The following PSD variants were observed in gnomAD, a reference collection of about 807,000 sequenced individuals.
The protein encoded by PSD is pleckstrin and Sec7 domain containing, also known as PH and SEC7 domain-containing protein 1.
In PSD, 32 loss-of-function variants were observed where a neutral mutation model predicts 91.6. The ratio of observed to expected loss-of-function variants is 0.35; its 90% CI spans 0.26 to 0.47. The LOEUF is 0.47. Among genes scored for constraint, PSD ranks in the 20% least tolerant of loss-of-function variants. The probability of loss-of-function intolerance (pLI) is 1.00; values close to 1 mark genes in which losing one functional copy is unlikely to be tolerated. For synonymous variants in PSD, 532 were observed against 569.3 expected (o/e 0.93, Z 0.93); for missense variants, 1,099 against 1,373.9 (o/e 0.80, Z 3.16).
rs1290333494 is a variant in PSD, at chr10:102,409,663, A to G, written c.2091+1195T>C. 2.0e-5 allele frequency among the ~76,000 whole-genome samples: 3 copies of G among 152,066 alleles called. No homozygotes were observed. The highest frequency in any genetic ancestry group is 4.4e-5 in the Non-Finnish European group (3 of 68,004). ...TCACCCGCAGATACCCCACCCATAT[A>G]TAGATCTGAAGTCACGTAACACACC... On this transcript the variant is annotated intron_variant, in intron 10 of 16. Transcript: ENST00000020673. The surrounding 1 kb of genome is among the most constrained non-coding windows in gnomAD (Gnocchi z 5.7).
At chr10:102,406,718 G>A (rs777906892) in intron 11 of PSD, among the ~76,000 whole-genome samples, 15 of 152,182 alleles carry the variant, frequency 9.9e-5, no homozygotes, top group Non-Finnish European at 2.2e-4. Flanking sequence ...TTTTAGCCAG[G>A]ATGGTCTTGA....
chr10:102,416,140 C>T lies in PSD; in HGVS notation c.655-21G>A, dbSNP rs763519174. ...TCCCCCTGAGCCAACGAGGGAGACA[C>T]AGGCACCCAGAGATAAAGCCAGACA... is the stretch of plus-strand genomic sequence containing the variant. On this transcript the variant is annotated intron_variant, in intron 2 of 16. Coordinates refer to ENST00000020673, the MANE Select transcript of PSD (RefSeq NM_002779.5). The surrounding 1 kb of genome is among the most constrained non-coding windows in gnomAD (Gnocchi z 6.0). 6.4e-6 allele frequency: 10 copies of T among 1,566,762 alleles called. No homozygotes were observed. In the Admixed American group the frequency reaches 1.7e-4, roughly 27 times the overall value.
intron 11 of PSD, among the ~76,000 whole-genome samples, chr10:102,406,716 A>G (rs902559303): frequency 5.3e-5 from 8 of 152,326 alleles, no homozygotes; most frequent in Admixed American, 6.5e-5. Flanking sequence ...CGTTTTAGCC[A>G]GGATGGTCTT....
intron 10 of PSD, among the ~76,000 whole-genome samples, chr10:102,407,720 G>A (rs948424715): frequency 6.6e-6 from 1 of 152,038 alleles, no homozygotes; most frequent in Non-Finnish European, 1.5e-5. Flanking sequence ...TAGCATATGG[G>A]GAAACTGCGA....
chr10:102,403,335 G>C lies in PSD; in HGVS notation c.2940C>G (p.Ala980=). Residue 980 remains alanine (A), a synonymous_variant, in exon 17 of 17, where the codon GCC becomes GCG. Transcript: ENST00000020673. This position sits in a 1 kb window ranked among gnomAD's most constrained non-coding sequence, Gnocchi z 6.7. The stretch of plus-strand genomic sequence containing the variant: ...GAGGGAGTCCATCCTCTGTGCTCCC[G>C]GCCTGGGCCAGTGCTGCCTCCACTG... ...LDAVEAALAQ[A]GSTEDGLPPS... is the part of the protein sequence containing the mutation. 1.2e-6 allele frequency: 2 copies of C among 1,614,088 alleles called. No homozygotes were observed. The highest frequency in any genetic ancestry group is 1.7e-6 in the Non-Finnish European group (2 of 1,180,028).
Position 102,405,399 on chromosome 10 carries a change from TAGACG to T in PSD, c.2268_2272del (p.Val757GlnfsTer14). Reference sequence around the variant, plus strand: ...CTTTCGCACCAGGGCCCCGTGCTTGTAGACGGCAGCCCCAGGCTCGGGAGTCAGGT... The same window carrying T: ...CTTTCGCACCAGGGCCCCGTGCTTGTGCAGCCCCAGGCTCGGGAGTCAGGT... On this transcript the variant is annotated frameshift_variant, in exon 12 of 17. Transcript: ENST00000020673. LOFTEE classifies it high-confidence loss of function. The surrounding 1 kb of genome is among the most constrained non-coding windows in gnomAD (Gnocchi z 5.4). 1 of 1,613,894 alleles carries T rather than the reference TAGACG, an allele frequency of 6.2e-7. No individual in the cohort carries two copies. The highest frequency in any genetic ancestry group is 8.5e-7 in the Non-Finnish European group (1 of 1,179,994).
chr10:102,403,261 CG>C lies in PSD; in HGVS notation c.3013del (p.Arg1005GlyfsTer36), dbSNP rs748690818. 1 of 1,610,480 alleles carries C rather than the reference CG, an allele frequency of 6.2e-7. No homozygotes were observed. The highest frequency in any genetic ancestry group is 8.5e-7 in the Non-Finnish European group (1 of 1,177,794). On this transcript the variant is annotated frameshift_variant, in exon 17 of 17. Coordinates refer to ENST00000020673, the MANE Select transcript of PSD (RefSeq NM_002779.5). LOFTEE classifies it high-confidence loss of function. The surrounding 1 kb of genome is among the most constrained non-coding windows in gnomAD (Gnocchi z 6.7). ...AGGCTCTGAGCTGTGACGCTGAGCC[CG>C]GGGCTGGCTGGAGGGTTTGGGCTGC... ...SLQPKPSSQP[R>X]AQRHSSEPRP...
At position 102,416,859 on chromosome 10, in the gene PSD, C is replaced by T. The variant is rs755337104; in HGVS notation, c.180G>A (p.Leu60=). 6 of 1,600,222 alleles carry T rather than the reference C, an allele frequency of 3.7e-6. No individual in the cohort carries two copies. Among genetic ancestry groups the T allele is most frequent in the Non-Finnish European group, 5.1e-6 (6 of 1,173,752 alleles). ...VAGPGPRGRE[L]GRVTAPCTPL... is the part of the protein sequence containing the mutation. ...GTGTACAGGGTGCTGTCACACGTCC[C>T]AGTTCCCGGCCTCGAGGACCTGGAC... The change falls in exon 2 of 17, where the codon CTG becomes CTA. Residue 60 remains leucine, a synonymous_variant. Transcript: ENST00000020673. This position sits in a 1 kb window ranked among gnomAD's most constrained non-coding sequence, Gnocchi z 6.0.
intron 7 of PSD, 81 bp downstream of exon 7, chr10:102,412,066 G>A (rs1412818988): frequency 5.7e-6 from 8 of 1,404,480 alleles, no homozygotes; most frequent in Non-Finnish European, 8.1e-6. Flanking sequence ...GTGGGGGACA[G>A]AGGGGCTCAA....
At position 102,414,971 on chromosome 10, in the gene PSD, G is replaced by T; in HGVS notation, c.1016C>A (p.Pro339His). The T allele has an allele frequency of 6.3e-7, 1 of 1,587,208 alleles. No individual in the cohort carries two copies. The change falls in exon 4 of 17, where the codon CCT (proline) becomes CAT (histidine). Residue 339 changes from proline (P) to histidine (H), a missense_variant. Physicochemically the swap from Pro to His is moderately conservative, Grantham distance 77. Around this residue, in one of 3 missense-constraint regions of PSD, gnomAD observed 631 missense variants for 728.8 expected, o/e 0.87. Coordinates refer to ENST00000020673, the MANE Select transcript of PSD (RefSeq NM_002779.5). The surrounding 1 kb of genome is among the most constrained non-coding windows in gnomAD (Gnocchi z 5.6). ...ACTGCCGAGGCTGGGATGAGGGCCA[G>T]GGAGTGGGCCGGGCCGTGGGGCAGG... ...YPPAPRPGPL[P>H]GPHPSLGSGN...
chr10:102,406,707 GTT>G (rs1565221602), intron 11 of PSD, among the ~76,000 whole-genome samples: 3 of 151,816 alleles, frequency 2.0e-5, no homozygotes, highest in Non-Finnish European at 2.9e-5. Context: ...CGGTTTCACC[GTT>G]TTAGCCAGGA....
chr10:102,410,609 A>G lies in PSD; in HGVS notation c.2091+249T>C, dbSNP rs1008898271. On this transcript the variant is annotated intron_variant, in intron 10 of 16. Transcript: ENST00000020673. The surrounding 1 kb of genome is among the most constrained non-coding windows in gnomAD (Gnocchi z 6.0). Reference sequence around the variant, plus strand: ...CCGGGGCCGCCTGCTCGCGTTTTCCAGAGCCGGGTCCCCTCCCCCGCCGTG... The same window carrying G: ...CCGGGGCCGCCTGCTCGCGTTTTCCGGAGCCGGGTCCCCTCCCCCGCCGTG... Among the ~76,000 whole-genome samples, 1 of 152,180 alleles carries G rather than the reference A, an allele frequency of 6.6e-6. No homozygotes were observed. Among genetic ancestry groups the G allele is most frequent in the African/African-American group, 2.4e-5 (1 of 41,450 alleles).
chr10:102,407,184 T>C, intron 11 of PSD, 39 bp downstream of exon 11: 1 of 1,247,918 alleles, frequency 8.0e-7, no homozygotes, highest in Non-Finnish European at 1.1e-6. Context: ...CCCTTCCCCA[T>C]GCCCCATCCT....
intron 11 of PSD, 66 bp downstream of exon 11, chr10:102,407,157 C>G: frequency 7.0e-7 from 1 of 1,435,220 alleles, no homozygotes; most frequent in Non-Finnish European, 9.5e-7. Context: ...CCAGCTCTCT[C>G]AGCCTCCCCA....
intron 3 of PSD, 131 bp downstream of exon 3, chr10:102,415,886 G>C: frequency 1.5e-6 from 1 of 652,726 alleles, no homozygotes. Context: ...ATTGAGGCCT[G>C]GGGAGACATT....
chr10:102,415,999 C>G lies in PSD; in HGVS notation c.757+18G>C, dbSNP rs1565228494. ...GAAGGCCCTGCCCTGTTCTCCCTGC[C>G]TCAGTCCCAGGCCTTACCTGAGCTG... On this transcript the variant is annotated intron_variant, in intron 3 of 16. Transcript: ENST00000020673. 1 of 1,599,906 alleles carries G rather than the reference C, an allele frequency of 6.3e-7. No individual in the cohort carries two copies. The highest frequency in any genetic ancestry group is 8.5e-7 in the Non-Finnish European group (1 of 1,169,996).
rs1218663691 is a variant in PSD, at chr10:102,409,787, A to G, written c.2091+1071T>C. 6.6e-6 allele frequency among the ~76,000 whole-genome samples: 1 copy of G among 152,046 alleles called. No individual in the cohort carries two copies. Among genetic ancestry groups the G allele is most frequent in the East Asian group, 1.9e-4 (1 of 5,180 alleles). On this transcript the variant is annotated intron_variant, in intron 10 of 16. Coordinates refer to ENST00000020673, the MANE Select transcript of PSD (RefSeq NM_002779.5). The surrounding 1 kb of genome is among the most constrained non-coding windows in gnomAD (Gnocchi z 5.7). ...TCAGATGGACACTTCAAAACTTAGA[A>G]TCTTTAGCTCACAAAGATACACCCC... is the stretch of plus-strand genomic sequence containing the variant.
chr10:102,410,908 T>TCCCGATGAAGTCCCCGCAGGTC lies in PSD; in HGVS notation c.2019_2040dup (p.Asn681AspfsTer14). The TCCCGATGAAGTCCCCGCAGGTC allele has an allele frequency of 6.2e-7, 1 of 1,613,974 alleles. No homozygotes were observed. Among genetic ancestry groups the TCCCGATGAAGTCCCCGCAGGTC allele is most frequent in the Non-Finnish European group, 8.5e-7 (1 of 1,179,898 alleles). Reference sequence around the variant, plus strand: ...CCGCCATCATTGAGGCCCTCCAGGTTCCCGATGAAGTCCCCGCAGGTCATG... The same window carrying TCCCGATGAAGTCCCCGCAGGTC: ...CCGCCATCATTGAGGCCCTCCAGGTTCCCGATGAAGTCCCCGCAGGTCCCCGATGAAGTCCCCGCAGGTCATG... On this transcript the variant is annotated frameshift_variant, in exon 10 of 17. Transcript: ENST00000020673. LOFTEE classifies it high-confidence loss of function. This position sits in a 1 kb window ranked among gnomAD's most constrained non-coding sequence, Gnocchi z 6.0.
At position 102,403,498 on chromosome 10, in the gene PSD, AG is replaced by A; in HGVS notation, c.2845-69del. 6.9e-7 allele frequency: 1 copy of A among 1,439,636 alleles called. No individual in the cohort carries two copies. The highest frequency in any genetic ancestry group is 9.3e-7 in the Non-Finnish European group (1 of 1,070,602). 89.2% of individuals were successfully genotyped at this position (1,439,636 alleles called of 1,614,324 possible). On this transcript the variant is annotated intron_variant, in intron 16 of 16. Coordinates refer to ENST00000020673, the MANE Select transcript of PSD (RefSeq NM_002779.5). This position sits in a 1 kb window ranked among gnomAD's most constrained non-coding sequence, Gnocchi z 6.7. The stretch of plus-strand genomic sequence containing the variant: ...TTCTGCCCACCCCACCATCTGGACC[AG>A]GGAGGGCCGCCAGCAGGGCAGAAGA...
Sources: gnomAD v4.1 joint callset for allele counts (sites outside exome capture counted in the v4.1 genomes callset) on GRCh38, gnomAD v4.1.1 for gene constraint, gnomAD v4.1.1 regional missense constraint, Gnocchi (gnomAD v3.1) non-coding constraint, MANE v1.5 for transcripts, NCBI Gene and HGNC (gene_info 2026-07-23, HGNC 2026-07-21) for gene names.